The following CD99L2 variants were observed in gnomAD, a reference collection of about 807,000 sequenced individuals.
CD99L2 encodes CD99 antigen-like protein 2.
CD99L2 carries 24 observed loss-of-function variants against 27.3 expected under a neutral mutation model. The ratio of observed to expected loss-of-function variants is 0.88; its 90% CI spans 0.64 to 1.24. The LOEUF (loss-of-function observed/expected upper bound fraction) is 1.24. CD99L2 is among the 50% of genes most tolerant of loss of function. The pLI is 0.00. For missense variants in CD99L2, 255 were observed against 221.6 expected, an observed-to-expected ratio of 1.15 and a Z score of -0.96; for synonymous variants, 97 against 87.9, an observed-to-expected ratio of 1.10 and a Z score of -0.58.
chrX:150,862,197 C>T (rs1275543276), intron 1 of CD99L2, among the ~76,000 whole-genome samples: 1 of 112,000 alleles, frequency 8.9e-6, no homozygotes, highest in Non-Finnish European at 1.9e-5. Context: ...GCATCCAATA[C>T]CCCTGTGGTA....
intron 4 of CD99L2, among the ~76,000 whole-genome samples, chrX:150,799,389 C>T (rs2045867253): frequency 9.3e-6 from 1 of 107,597 alleles, no homozygotes; most frequent in Non-Finnish European, 1.9e-5. Context: ...TGGTGGCACA[C>T]CTGTAGTCCC....
rs140012675 is a variant in CD99L2, at chrX:150,808,051, A to C, written c.277+6811T>G. On this transcript the variant is annotated intron_variant, in intron 4 of 10. Coordinates refer to ENST00000370377, the MANE Select transcript of CD99L2 (RefSeq NM_031462.4). ...AACTGCTCATTCAAATATTTTACTA[A>C]ACTGCCCTCTCAAAAGGCTGCATTA... Among the ~76,000 whole-genome samples, 567 of 112,682 alleles carry C rather than the reference A, an allele frequency of 5.0e-3. 7 individuals carry two copies. Among genetic ancestry groups the C allele is most frequent in the Middle Eastern group, 9.2e-3 (2 of 217 alleles).
chrX:150,820,925 C>G (rs188534320), intron 2 of CD99L2, among the ~76,000 whole-genome samples: 1 of 111,238 alleles, frequency 9.0e-6, no homozygotes, highest in East Asian at 2.8e-4. Flanking sequence ...TTTATAATAG[C>G]AATAAAAAGA....
At position 150,766,814 on chromosome X, in the gene CD99L2, C is replaced by T. The variant is rs1264685467; in HGVS notation, c.*2220G>A. ...GGGAAGGAGAAGCTCCTGAAATGAA[C>T]GTTCTGCAAACAGAAGGCTGAGGGG... On this transcript the variant is annotated 3_prime_UTR_variant, in exon 11 of 11. Transcript: ENST00000370377. The T allele has an allele frequency of 1.8e-5, 2 of 111,813 alleles. No homozygotes were observed. The highest frequency in any genetic ancestry group is 3.3e-5 in the African/African-American group (1 of 30,702). The allele number at this position is 111,813 out of a possible 1,213,427, so 9.2% of individuals were successfully genotyped here.
intron 9 of CD99L2, among the ~76,000 whole-genome samples, chrX:150,770,730 G>A (rs782579899): frequency 8.8e-6 from 1 of 113,129 alleles, no homozygotes; most frequent in East Asian, 2.8e-4. Flanking sequence ...GTGTGCGTGT[G>A]CGGCCCGGGG....
At chrX:150,875,956 A>G (rs1273750661) in intron 1 of CD99L2, among the ~76,000 whole-genome samples, 1 of 112,290 alleles carries the variant, frequency 8.9e-6, no homozygotes, top group Non-Finnish European at 1.9e-5. Flanking sequence ...TGTCTTTATC[A>G]GCAGCATGAA....
chrX:150,881,731 T>C (rs782465050), intron 1 of CD99L2, among the ~76,000 whole-genome samples: 53 of 112,300 alleles, frequency 4.7e-4, no homozygotes, highest in Non-Finnish European at 8.5e-4. Flanking sequence ...CTCAGGGTGT[T>C]TGAGTCAAGC....
At chrX:150,889,890 C>T (rs1183087839) in intron 1 of CD99L2, among the ~76,000 whole-genome samples, 8 of 112,288 alleles carry the variant, frequency 7.1e-5, no homozygotes, top group East Asian at 2.8e-4. Flanking sequence ...CGGTGGCTCA[C>T]GCCTGTAATC....
At chrX:150,837,719 C>T (rs782785400) in intron 1 of CD99L2, among the ~76,000 whole-genome samples, 2 of 111,526 alleles carry the variant, frequency 1.8e-5, no homozygotes, top group East Asian at 5.6e-4. Context: ...GGTTATAACC[C>T]CAAGTATAAC....
chrX:150,832,772 G>A (rs1557421102), intron 1 of CD99L2, among the ~76,000 whole-genome samples: 3 of 109,912 alleles, frequency 2.7e-5, no homozygotes, highest in East Asian at 2.9e-4. Flanking sequence ...CACCAGGGCC[G>A]GGCGTGGTGG....
At chrX:150,844,223 C>T (rs1557421414) in intron 1 of CD99L2, among the ~76,000 whole-genome samples, 1 of 112,267 alleles carries the variant, frequency 8.9e-6, no homozygotes, top group East Asian at 2.8e-4. Flanking sequence ...CAAAGACTTG[C>T]CTTTCCCCTG....
In CD99L2 at chrX:150,795,297, G is replaced by A. The variant is rs1420486660; in HGVS notation, c.347-8C>T. ...CCAAGTCAAAATCATTTCCTTCATG[G>A]GGTCCCAAAATAAAAGAAATACTCA... On this transcript the variant is annotated splice_region_variant and splice_polypyrimidine_tract_variant and intron_variant, in intron 5 of 10. Transcript: ENST00000370377. 3 of 1,209,429 alleles carry A rather than the reference G, an allele frequency of 2.5e-6. No individual in the cohort carries two copies. The highest frequency in any genetic ancestry group is 2.2e-5 in the Admixed American group (1 of 45,779).
chrX:150,839,961 C>T, intron 1 of CD99L2, among the ~76,000 whole-genome samples: 1 of 110,222 alleles, frequency 9.1e-6, no homozygotes, highest in Non-Finnish European at 1.9e-5. Context: ...TCACTTGAGC[C>T]CAGGAGGTTG....
At position 150,817,111 on chromosome X, in the gene CD99L2, T is replaced by C. The variant is rs782692711; in HGVS notation, c.131-1033A>G. 2.0e-4 allele frequency among the ~76,000 whole-genome samples: 20 copies of C among 99,888 alleles called. No homozygotes were observed. The South Asian group carries it at 1.0e-2, about 50-fold the overall frequency. 86.7% of individuals were successfully genotyped at this position (99,888 alleles called of 115,157 possible). A position where few individuals can be genotyped will look rare whatever the true frequency, so the allele number is the denominator to read the frequency against. The stretch of plus-strand genomic sequence containing the variant: ...TACCTAATGCTAAATGACGAGTTAA[T>C]GGGTGCAGCACACCAGCATGGCACA... On this transcript the variant is annotated intron_variant, in intron 2 of 10. Coordinates refer to ENST00000370377, the MANE Select transcript of CD99L2 (RefSeq NM_031462.4).
intron 7 of CD99L2, among the ~76,000 whole-genome samples, chrX:150,789,242 C>T (rs1210274985): frequency 2.8e-5 from 3 of 108,218 alleles, no homozygotes; most frequent in African/African-American, 1.0e-4. Context: ...CCTGCCTCAG[C>T]CTCCCGAGTA....
At chrX:150,817,544 A>C (rs2124189423) in intron 2 of CD99L2, among the ~76,000 whole-genome samples, 1 of 112,642 alleles carries the variant, frequency 8.9e-6, no homozygotes, top group African/African-American at 3.2e-5. Context: ...TTTCATAAAC[A>C]TCAAGACTAT....
chrX:150,826,988 G>A (rs1262437267), intron 2 of CD99L2, among the ~76,000 whole-genome samples: 1 of 111,355 alleles, frequency 9.0e-6, no homozygotes, highest in Non-Finnish European at 1.9e-5. Flanking sequence ...TTGGTTGAGA[G>A]TACTCAGCAA....
intron 1 of CD99L2, among the ~76,000 whole-genome samples, chrX:150,871,452 G>A (rs2047155393): frequency 8.9e-6 from 1 of 112,116 alleles, no homozygotes; most frequent in African/African-American, 3.2e-5. Context: ...AGATTGGAAT[G>A]ACAGAAAAAT....
intron 7 of CD99L2, among the ~76,000 whole-genome samples, chrX:150,784,236 T>G (rs1422300329): frequency 2.7e-5 from 3 of 110,512 alleles, no homozygotes; most frequent in Non-Finnish European, 5.7e-5. Context: ...GTGAGGGTGA[T>G]CCGGGAGTGC....
Sources: allele counts gnomAD v4.1 joint callset (sites outside exome capture counted in the v4.1 genomes callset), GRCh38; gene constraint gnomAD v4.1.1; transcripts MANE v1.5; gene names NCBI Gene and HGNC (gene_info 2026-07-23, HGNC 2026-07-21).